The following FTH1 variants were observed in gnomAD, a reference collection of about 807,000 sequenced individuals.
FTH1 encodes ferritin heavy chain.
Under a neutral mutation model 21.8 loss-of-function variants are expected in FTH1, and 3 were observed. The ratio of observed to expected loss-of-function variants is 0.14; its 90% CI spans 0.06 to 0.36. FTH1 has a LOEUF of 0.36. Among genes scored for constraint, FTH1 ranks in the 10% least tolerant of loss-of-function variants. FTH1 has a pLI of 1.00. For missense variants in FTH1, 147 were observed against 225.8 expected (o/e 0.65, Z 2.24); for synonymous variants, 83 against 90.1 (o/e 0.92, Z 0.45).
chr11:61,965,269 G>T, intron 2 of FTH1, 100 bp downstream of exon 2: 1 of 1,591,850 alleles, frequency 6.3e-7, no homozygotes, highest in Non-Finnish European at 8.6e-7. Context: ...AAAGCCCAGT[G>T]TATCATCACT....
At chr11:61,966,070 C>G (rs531158108) in intron 1 of FTH1, among the ~76,000 whole-genome samples, 2 of 152,120 alleles carry the variant, frequency 1.3e-5, no homozygotes, top group Admixed American at 6.5e-5. Flanking sequence ...GTCAGCAGAT[C>G]GAGACCATCC....
At chr11:61,965,240 TAAA>T (rs1591321100) in intron 2 of FTH1, 126 bp downstream of exon 2, 2 of 1,593,664 alleles carry the variant, frequency 1.3e-6, no homozygotes, top group East Asian at 4.5e-5. Context: ...ATGGTAAGCC[TAAA>T]AAAGCACAAA....
chr11:61,967,150 C>G, intron 1 of FTH1, 162 bp downstream of exon 1: 1 of 445,682 alleles, frequency 2.2e-6, no homozygotes, highest in Non-Finnish European at 3.9e-6. Flanking sequence ...CCCCGACTTT[C>G]TGCGCCAGAG....
intron 1 of FTH1, 58 bp downstream of exon 1, chr11:61,967,254 C>A (rs1409244673): frequency 6.1e-6 from 7 of 1,145,416 alleles, no homozygotes; most frequent in East Asian, 3.2e-5. Context: ...CCCGCCCCAG[C>A]GCGCGCCCCG....
chr11:61,965,126 G>C lies in FTH1; in HGVS notation c.262-14C>G. 6.2e-7 allele frequency: 1 copy of C among 1,603,126 alleles called. No individual in the cohort carries two copies. Among genetic ancestry groups the C allele is most frequent in the African/African-American group, 1.3e-5 (1 of 75,036 alleles). On this transcript the variant is annotated splice_polypyrimidine_tract_variant and intron_variant, in intron 2 of 3. Transcript: ENST00000273550. Reference sequence around the variant, plus strand: ...ACAGTCTGGTTTCTGAATGAGAATAGGTTAATGCATCTCTACCAACTAACC... The same window carrying C: ...ACAGTCTGGTTTCTGAATGAGAATACGTTAATGCATCTCTACCAACTAACC...
intron 2 of FTH1, 106 bp downstream of exon 2, chr11:61,965,263 C>T (rs992140906): frequency 2.1e-4 from 331 of 1,592,602 alleles, no homozygotes; most frequent in Non-Finnish European, 2.7e-4. Context: ...AAGGCAAAAG[C>T]CCAGTGTATC....
chr11:61,965,541 A>G (rs745344806), intron 1 of FTH1, 26 bp from the exon 2 acceptor site: 1 of 1,599,312 alleles, frequency 6.3e-7, no homozygotes, highest in Admixed American at 1.7e-5. Context: ...TGAATGTGTT[A>G]TACTAGGGAT....
intron 3 of FTH1, 27 bp downstream of exon 3, chr11:61,964,960 T>C (rs371949168): frequency 6.2e-7 from 1 of 1,614,130 alleles, no homozygotes; most frequent in South Asian, 1.1e-5. Context: ...ATTTCCTCCA[T>C]TTATTTCCTG....
At position 61,964,725 on chromosome 11, in the gene FTH1, G is replaced by A. The variant is rs1455060329; in HGVS notation, c.*2C>T. 1.9e-6 allele frequency: 3 copies of A among 1,597,988 alleles called. No homozygotes were observed. The African/African-American group carries it at 4.0e-5, about 21-fold the overall frequency. ...ACGGCTATGGGGAAATTAGCCCGAG[G>A]CTTAGCTTTCATTATCACTGTCTCC... On this transcript the variant is annotated 3_prime_UTR_variant, in exon 4 of 4. Transcript: ENST00000273550.
At chr11:61,965,212 TTGCC>T (rs1214739234) in intron 2 of FTH1, 100 bp from the exon 3 acceptor site, 2 of 1,594,502 alleles carry the variant, frequency 1.3e-6, no homozygotes, top group East Asian at 4.5e-5. Flanking sequence ...ACATTACTAT[TTGCC>T]TAATTTAGTT....
intron 1 of FTH1, 148 bp from the exon 2 acceptor site, chr11:61,965,663 G>A (rs919589061): frequency 1.3e-6 from 1 of 798,018 alleles, no homozygotes; most frequent in Middle Eastern, 2.2e-4. Flanking sequence ...GGAGACTGGG[G>A]GGCAGATGAG....
intron 1 of FTH1, 82 bp from the exon 2 acceptor site, chr11:61,965,597 T>C: frequency 1.3e-6 from 2 of 1,494,100 alleles, no homozygotes; most frequent in African/African-American, 2.7e-5. Context: ...GGCAAGATGG[T>C]CTCGTCAGCC....
Position 61,967,450 on chromosome 11 carries a change from G to A in FTH1, c.-25C>T, listed in dbSNP as rs747825826. ...TGGCGGCGACTAAGGAGAGGCGGCG[G>A]CGGCGGCGGTGGCTGCGCGGCGCTG... On this transcript the variant is annotated 5_prime_UTR_variant, in exon 1 of 4. Transcript: ENST00000273550. 1 of 1,526,532 alleles carries A rather than the reference G, an allele frequency of 6.6e-7. No individual in the cohort carries two copies. The allele number at this position is 1,526,532 out of a possible 1,614,324, so 94.6% of individuals were successfully genotyped here.
chr11:61,964,675 C>T lies in FTH1; in HGVS notation c.*52G>A. ...AGGAAACCCCAACATGCATGCACTG[C>T]CTTGGTGACCAGGGAAGTCACCCCA... On this transcript the variant is annotated 3_prime_UTR_variant, in exon 4 of 4. Transcript: ENST00000273550. 2 of 1,580,830 alleles carry T rather than the reference C, an allele frequency of 1.3e-6. No individual in the cohort carries two copies. The highest frequency in any genetic ancestry group is 1.7e-6 in the Non-Finnish European group (2 of 1,164,570).
chr11:61,964,705 T>C lies in FTH1; in HGVS notation c.*22A>G, dbSNP rs766832179. On this transcript the variant is annotated 3_prime_UTR_variant, in exon 4 of 4. Transcript: ENST00000273550. ...GTGACCAGGGAAGTCACCCCACGGC[T>C]ATGGGGAAATTAGCCCGAGGCTTAG... 11 of 1,597,396 alleles carry C rather than the reference T, an allele frequency of 6.9e-6. No individual in the cohort carries two copies. Among genetic ancestry groups the C allele is most frequent in the Non-Finnish European group, 6.8e-6 (8 of 1,179,500 alleles).
chr11:61,965,755 A>G (rs899785112), intron 1 of FTH1, among the ~76,000 whole-genome samples: 7 of 152,192 alleles, frequency 4.6e-5, no homozygotes, highest in Admixed American at 4.6e-4. Context: ...ACTTCAAGGA[A>G]CCTTTAGGAT....
chr11:61,964,561 C>A lies in FTH1; in HGVS notation c.*166G>T. Reference sequence around the variant, plus strand: ...ATTCATCCCAAGACCTCAAAGACAACACCTGGGTACCAAATTTCTTTATTT... The same window carrying A: ...ATTCATCCCAAGACCTCAAAGACAAAACCTGGGTACCAAATTTCTTTATTT... On this transcript the variant is annotated 3_prime_UTR_variant, in exon 4 of 4. Coordinates refer to ENST00000273550, the MANE Select transcript of FTH1 (RefSeq NM_002032.3). The A allele has an allele frequency of 1.2e-6, 1 of 808,874 alleles. No homozygotes were observed. Among genetic ancestry groups the A allele is most frequent in the Middle Eastern group, 3.5e-4 (1 of 2,860 alleles). The allele number at this position is 808,874 out of a possible 1,614,324, so 50.1% of individuals were successfully genotyped here. A position where few individuals can be genotyped will look rare whatever the true frequency, so the allele number is the denominator to read the frequency against.
In FTH1 at chr11:61,967,607, C is replaced by T. The variant is rs1338300398; in HGVS notation, c.-182G>A. ...CAAGCACTGTTGAAGCAGGAAACCC[C>T]GACGACTCTCGGCGAAGAACGTCTG... On this transcript the variant is annotated 5_prime_UTR_variant, in exon 1 of 4. Transcript: ENST00000273550. The T allele has an allele frequency of 7.5e-6, 5 of 670,844 alleles. No individual in the cohort carries two copies. Among genetic ancestry groups the T allele is most frequent in the African/African-American group, 1.8e-5 (1 of 55,732 alleles). 41.6% of individuals were successfully genotyped at this position (670,844 alleles called of 1,614,324 possible).
chr11:61,967,281 C>T, intron 1 of FTH1, 31 bp downstream of exon 1: 1 of 1,449,430 alleles, frequency 6.9e-7, no homozygotes, highest in East Asian at 2.8e-5. Flanking sequence ...GCGCCCGGCC[C>T]CCGCCACCGC....
Sources: allele counts gnomAD v4.1 joint callset (sites outside exome capture counted in the v4.1 genomes callset), GRCh38; gene constraint gnomAD v4.1.1; transcripts MANE v1.5; gene names NCBI Gene and HGNC (gene_info 2026-07-23, HGNC 2026-07-21).